The following SPOCK3 variants were observed in gnomAD, a reference collection of about 807,000 sequenced individuals.
The protein encoded by SPOCK3 is SPARC (osteonectin), cwcv and kazal like domains proteoglycan 3, also known as testican-3.
Under a neutral mutation model 56.6 loss-of-function variants are expected in SPOCK3, and 30 were observed. That is an observed-to-expected ratio of 0.53 (90% CI 0.40 to 0.72). The LOEUF (loss-of-function observed/expected upper bound fraction) is 0.72, where lower values mean the gene tolerates loss of function less well. Ranked by LOEUF, SPOCK3 falls within the 30% of genes least tolerant of loss-of-function variation. The probability of loss-of-function intolerance (pLI) is 0.00; values close to 1 mark genes in which losing one functional copy is unlikely to be tolerated. For missense variants in SPOCK3, 527 were observed against 530.0 expected (o/e 0.99, Z 0.06); for synonymous variants, 196 against 183.3 (o/e 1.07, Z -0.56).
At chr4:166,816,031 A>G (rs1262656322) in intron 6 of SPOCK3, among the ~76,000 whole-genome samples, 1 of 152,072 alleles carries the variant, frequency 6.6e-6, no homozygotes, top group African/African-American at 2.4e-5. Context: ...AAATATAACA[A>G]CGTAATCTGG....
intron 8 of SPOCK3, among the ~76,000 whole-genome samples, chr4:166,746,496 G>A (rs1039159370): frequency 2.6e-5 from 4 of 152,078 alleles, no homozygotes; most frequent in South Asian, 4.1e-4. Context: ...TGTGGAGAGG[G>A]AAATTTATAG....
At chr4:167,083,284 A>T (rs943328504) in intron 2 of SPOCK3, 1 of 764,868 alleles carries the variant, frequency 1.3e-6, no homozygotes, top group Non-Finnish European at 2.4e-6. Context: ...CCAAGCCCAA[A>T]TCCTGTGTCA....
chr4:166,962,563 T>G (rs2150059111), intron 4 of SPOCK3, among the ~76,000 whole-genome samples: 1 of 152,146 alleles, frequency 6.6e-6, no homozygotes, highest in East Asian at 1.9e-4. Flanking sequence ...AGGACAGATG[T>G]AGGAAAGGAA....
intron 5 of SPOCK3, among the ~76,000 whole-genome samples, chr4:166,898,375 T>A (rs1735644886): frequency 6.6e-6 from 1 of 151,936 alleles, no homozygotes; most frequent in South Asian, 2.1e-4. Flanking sequence ...CCCAGTACAC[T>A]CATTCACCTA....
intron 3 of SPOCK3, among the ~76,000 whole-genome samples, chr4:167,007,645 A>C (rs1305516461): frequency 1.3e-5 from 2 of 152,122 alleles, no homozygotes; most frequent in African/African-American, 4.8e-5. Flanking sequence ...TAGAAATCTA[A>C]AATGCCCTTT....
chr4:167,061,067 C>T (rs879569477), intron 3 of SPOCK3, among the ~76,000 whole-genome samples: 9 of 151,946 alleles, frequency 5.9e-5, no homozygotes, highest in Non-Finnish European at 1.0e-4. Context: ...GCAAATCAAT[C>T]TTGTATCATT....
At chr4:167,205,334 T>TTATATATTATATATATTTTATATATAA (rs1561321390) in intron 2 of SPOCK3, among the ~76,000 whole-genome samples, 3 of 45,766 alleles carry the variant, frequency 6.6e-5, no homozygotes, top group Non-Finnish European at 1.1e-4. Flanking sequence ...ATAATATATA[T>TTATATATTATATATATTTTATATATAA]TATATATTAT....
Position 166,849,508 on chromosome 4 carries a change from T to C in SPOCK3, c.589+39622A>G, listed in dbSNP as rs79429675. ...TAGAGAAAAATCATTTAATACTTGT[T>C]TGGCCAGGGAAGGTTTCATAAGAGA... On this transcript the variant is annotated intron_variant, in intron 6 of 10. Coordinates refer to ENST00000357545, the MANE Select transcript of SPOCK3 (RefSeq NM_001040159.2). Among the ~76,000 whole-genome samples, 18 of 152,262 alleles carry C rather than the reference T, an allele frequency of 1.2e-4. 1 individual carries two copies. The East Asian group carries it at 3.5e-3, about 29-fold the overall frequency.
chr4:166,988,453 A>C (rs1441037290), intron 4 of SPOCK3, among the ~76,000 whole-genome samples: 2 of 152,114 alleles, frequency 1.3e-5, no homozygotes, highest in East Asian at 3.8e-4. Context: ...AAAGAGATAT[A>C]AACTGATTCA....
chr4:166,796,480 T>G (rs1741952867), intron 6 of SPOCK3, among the ~76,000 whole-genome samples: 2 of 152,134 alleles, frequency 1.3e-5, no homozygotes, highest in South Asian at 4.1e-4. Flanking sequence ...GTCTCGTATC[T>G]CTACTAGGCT....
chr4:167,165,460 CT>C (rs1489690703), intron 2 of SPOCK3, among the ~76,000 whole-genome samples: 1 of 152,028 alleles, frequency 6.6e-6, no homozygotes, highest in Non-Finnish European at 1.5e-5. Context: ...TGAAAAAAAG[CT>C]TATCATCACT....
At chr4:167,057,959 T>C (rs183960888) in intron 3 of SPOCK3, among the ~76,000 whole-genome samples, 1,721 of 152,160 alleles carry the variant, frequency 0.011, 19 homozygotes, top group Non-Finnish European at 0.018. Context: ...TACAGAACTC[T>C]CCACCCCAAA....
chr4:167,075,374 G>A (rs1234659907), intron 2 of SPOCK3, among the ~76,000 whole-genome samples: 2 of 151,772 alleles, frequency 1.3e-5, no homozygotes, highest in African/African-American at 4.8e-5. Context: ...CATCCTACTC[G>A]GGTTACAGAG....
chr4:167,046,003 C>T (rs1753674905), intron 3 of SPOCK3, among the ~76,000 whole-genome samples: 1 of 152,140 alleles, frequency 6.6e-6, no homozygotes, highest in Non-Finnish European at 1.5e-5. Context: ...CTACTGGCAA[C>T]AAATCCCTCG....
rs1743391502 is a variant in SPOCK3, at chr4:166,955,773, A to G, written c.351-43030T>C. Among the ~76,000 whole-genome samples, 6 of 151,394 alleles carry G rather than the reference A, an allele frequency of 4.0e-5. No homozygotes were observed. In the Admixed American group the frequency reaches 4.0e-4, roughly 10 times the overall value. On this transcript the variant is annotated intron_variant, in intron 4 of 10. Coordinates refer to ENST00000357545, the MANE Select transcript of SPOCK3 (RefSeq NM_001040159.2). Reference sequence around the variant, plus strand: ...ATCCAACTTGTATGTCCCTTGATACATTGTTTCTTCAGCCCTTTCAAGCAA... The same window carrying G: ...ATCCAACTTGTATGTCCCTTGATACGTTGTTTCTTCAGCCCTTTCAAGCAA...
intron 4 of SPOCK3, among the ~76,000 whole-genome samples, chr4:166,978,656 A>G (rs1746240221): frequency 6.6e-6 from 1 of 152,136 alleles, no homozygotes; most frequent in Admixed American, 6.6e-5. Context: ...AAGGCATGCA[A>G]TGTAACTCTG....
At chr4:166,783,967 T>A (rs543201715) in intron 7 of SPOCK3, among the ~76,000 whole-genome samples, 2 of 152,142 alleles carry the variant, frequency 1.3e-5, no homozygotes, top group South Asian at 4.1e-4. Context: ...TTCATTGTTT[T>A]TTTTTGGGGG....
intron 6 of SPOCK3, among the ~76,000 whole-genome samples, chr4:166,838,847 A>G (rs753182208): frequency 2.0e-5 from 3 of 150,262 alleles, no homozygotes; most frequent in Non-Finnish European, 4.4e-5. Flanking sequence ...CCTGTAATCC[A>G]GCTACCTGGG....
At chr4:167,200,776 T>C (rs760367559) in intron 2 of SPOCK3, among the ~76,000 whole-genome samples, 21 of 152,186 alleles carry the variant, frequency 1.4e-4, no homozygotes, top group South Asian at 2.1e-4. Context: ...CGTCACTTTA[T>C]TGTAAATGTA....
Sources: gnomAD v4.1 joint callset for allele counts (sites outside exome capture counted in the v4.1 genomes callset) on GRCh38, gnomAD v4.1.1 for gene constraint, MANE v1.5 for transcripts, NCBI Gene and HGNC (gene_info 2026-07-23, HGNC 2026-07-21) for gene names.